Variants in SEMA6D observed in about 807,000 individuals in gnomAD.
SEMA6D encodes semaphorin-6D.
A neutral mutation model predicts 106.6 loss-of-function variants in SEMA6D; 35 were observed. The observed-to-expected ratio is 0.33, with a 90% CI of 0.25 to 0.44. The LOEUF (loss-of-function observed/expected upper bound fraction) is 0.44, where lower values mean the gene tolerates loss of function less well. Ranked by LOEUF, SEMA6D falls within the 20% of genes least tolerant of loss-of-function variation. The pLI, the probability that SEMA6D is intolerant of heterozygous loss-of-function variation, is 1.00. For missense variants in SEMA6D, 1,185 were observed against 1,345.9 expected (o/e 0.88, Z 1.87); for synonymous variants, 499 against 487.7 (o/e 1.02, Z -0.31).
chr15:47,742,216 A>T (rs1310835080), intron 1 of SEMA6D, among the ~76,000 whole-genome samples: 1 of 152,240 alleles, frequency 6.6e-6, no homozygotes, highest in South Asian at 2.1e-4. Flanking sequence ...AGTGATAATA[A>T]TACTACTTCT....
At chr15:47,224,952 C>G (rs1251702514) in intron 1 of SEMA6D, among the ~76,000 whole-genome samples, 2 of 151,840 alleles carry the variant, frequency 1.3e-5, no homozygotes, top group African/African-American at 4.8e-5. Flanking sequence ...GTAATAGCAG[C>G]AGATCCTTGT....
intron 1 of SEMA6D, among the ~76,000 whole-genome samples, chr15:47,219,638 ACCTT>A (rs1354282052): frequency 2.6e-5 from 4 of 152,072 alleles, no homozygotes; most frequent in Non-Finnish European, 5.9e-5. Context: ...TATGCTACCC[ACCTT>A]CCTTACTGTA....
At chr15:47,634,238 A>G (rs1186191545) in intron 4 of SEMA6D, among the ~76,000 whole-genome samples, 3 of 152,182 alleles carry the variant, frequency 2.0e-5, no homozygotes, top group Non-Finnish European at 2.9e-5. Context: ...ATAGTGCCTC[A>G]TTGCAAATCA....
At chr15:47,221,503 A>G (rs1381969840) in intron 1 of SEMA6D, among the ~76,000 whole-genome samples, 1 of 152,204 alleles carries the variant, frequency 6.6e-6, no homozygotes, top group African/African-American at 2.4e-5. Flanking sequence ...CAAGGACCCC[A>G]ATGACATCTG....
chr15:47,640,731 T>C (rs1026520459), intron 4 of SEMA6D, among the ~76,000 whole-genome samples: 32 of 152,186 alleles, frequency 2.1e-4, no homozygotes, highest in Non-Finnish European at 2.1e-4. Context: ...TGTTGTTATA[T>C]AACGCGTTTC....
chr15:47,727,131 C>A (rs2079807238), intron 1 of SEMA6D, among the ~76,000 whole-genome samples: 1 of 152,214 alleles, frequency 6.6e-6, no homozygotes, highest in Admixed American at 6.5e-5. Context: ...ATGTTCTGTG[C>A]TGGTGGCCCT....
chr15:47,634,270 C>G (rs1033290369), intron 4 of SEMA6D, among the ~76,000 whole-genome samples: 1 of 152,122 alleles, frequency 6.6e-6, no homozygotes, highest in Non-Finnish European at 1.5e-5. Context: ...ATTCAGCTCC[C>G]CACTTGGTGC....
chr15:47,330,035 A>G (rs1184239881), intron 1 of SEMA6D, among the ~76,000 whole-genome samples: 2 of 152,214 alleles, frequency 1.3e-5, no homozygotes, highest in Non-Finnish European at 2.9e-5. Context: ...ATCTATATTT[A>G]TAATGGCACC....
At chr15:47,727,182 C>G (rs1039173814) in intron 1 of SEMA6D, among the ~76,000 whole-genome samples, 1 of 152,194 alleles carries the variant, frequency 6.6e-6, no homozygotes, top group African/African-American at 2.4e-5. Context: ...AAAATTTAAG[C>G]ACACTCCAGG....
intron 4 of SEMA6D, among the ~76,000 whole-genome samples, chr15:47,622,265 A>G (rs1053282841): frequency 3.3e-5 from 5 of 151,880 alleles, no homozygotes; most frequent in Non-Finnish European, 5.9e-5. Flanking sequence ...ACCTTCATTC[A>G]CAGAGAGTCT....
intron 1 of SEMA6D, among the ~76,000 whole-genome samples, chr15:47,390,529 A>AC (rs2039991454): frequency 6.6e-6 from 1 of 151,766 alleles, no homozygotes; most frequent in Non-Finnish European, 1.5e-5. Flanking sequence ...ATGCCTTTCC[A>AC]CCCCCATTTG....
At chr15:47,490,954 T>C (rs2043454825) in intron 3 of SEMA6D, among the ~76,000 whole-genome samples, 1 of 152,162 alleles carries the variant, frequency 6.6e-6, no homozygotes, top group South Asian at 2.1e-4. Flanking sequence ...ACAGGGTAAG[T>C]GCTGGAGAAG....
intron 1 of SEMA6D, among the ~76,000 whole-genome samples, chr15:47,290,271 T>C (rs1455138452): frequency 6.6e-6 from 1 of 152,166 alleles, no homozygotes; most frequent in Non-Finnish European, 1.5e-5. Flanking sequence ...AACCCAGATT[T>C]GAAAATAATG....
chr15:47,218,665 A>G (rs1192844204), intron 1 of SEMA6D, among the ~76,000 whole-genome samples: 5 of 152,220 alleles, frequency 3.3e-5, no homozygotes, highest in Admixed American at 6.5e-5. Context: ...AGCCAAAGCA[A>G]AGTATTCATG....
chr15:47,630,303 T>G (rs1185923325), intron 4 of SEMA6D, among the ~76,000 whole-genome samples: 1 of 151,880 alleles, frequency 6.6e-6, no homozygotes, highest in Non-Finnish European at 1.5e-5. Context: ...AATTTTTTCT[T>G]TCTAATTTTT....
At chr15:47,408,543 T>C (rs2040674444) in intron 1 of SEMA6D, among the ~76,000 whole-genome samples, 1 of 152,220 alleles carries the variant, frequency 6.6e-6, no homozygotes, top group South Asian at 2.1e-4. Context: ...ATTCTTCCAC[T>C]TCCAGTGCTA....
intron 4 of SEMA6D, among the ~76,000 whole-genome samples, chr15:47,705,640 T>C (rs2078898645): frequency 6.6e-6 from 1 of 152,178 alleles, no homozygotes; most frequent in African/African-American, 2.4e-5. Context: ...AATCACCTCT[T>C]AATCACAACA....
At chr15:47,480,903 C>T (rs568754543) in intron 3 of SEMA6D, among the ~76,000 whole-genome samples, 8 of 152,288 alleles carry the variant, frequency 5.3e-5, no homozygotes, top group African/African-American at 1.9e-4. Context: ...TCACCTCTTC[C>T]AGAAAGCCCT....
At chr15:47,264,208 G>C (rs2034209683) in intron 1 of SEMA6D, among the ~76,000 whole-genome samples, 1 of 152,034 alleles carries the variant, frequency 6.6e-6, no homozygotes, top group African/African-American at 2.4e-5. Context: ...GGTTGCAGGA[G>C]GGAGAAGATC....
Sources: gnomAD v4.1 joint callset for allele counts (sites outside exome capture counted in the v4.1 genomes callset) on GRCh38, gnomAD v4.1.1 for gene constraint, MANE v1.5 for transcripts, NCBI Gene and HGNC (gene_info 2026-07-23, HGNC 2026-07-21) for gene names.